The following PTPRG variants were observed in gnomAD, a reference collection of about 807,000 sequenced individuals.
PTPRG encodes receptor-type tyrosine-protein phosphatase gamma.
A neutral mutation model predicts 165.3 loss-of-function variants in PTPRG; 102 were observed. The ratio of observed to expected loss-of-function variants is 0.62; its 90% confidence interval spans 0.53 to 0.73. PTPRG has a LOEUF of 0.73. Among genes scored for constraint, PTPRG ranks in the 30% least tolerant of loss-of-function variants. The pLI is 0.00. For missense variants in PTPRG, 1,866 were observed against 1,861.4 expected, an observed-to-expected ratio of 1.00 and a Z score of -0.05; for synonymous variants, 675 against 669.5, an observed-to-expected ratio of 1.01 and a Z score of -0.13.
At chr3:61,771,781 C>T (rs1178005811) in intron 2 of PTPRG, among the ~76,000 whole-genome samples, 1 of 152,058 alleles carries the variant, frequency 6.6e-6, no homozygotes, top group Non-Finnish European at 1.5e-5. Flanking sequence ...GATGACCAGG[C>T]TGGGCACAGT....
chr3:61,846,592 C>A (rs2036811942), intron 2 of PTPRG, among the ~76,000 whole-genome samples: 2 of 152,184 alleles, frequency 1.3e-5, no homozygotes, highest in Non-Finnish European at 2.9e-5. Context: ...TAGAACACAG[C>A]AAGCTCTTGG....
At chr3:61,593,001 A>G (rs1189612435) in intron 1 of PTPRG, among the ~76,000 whole-genome samples, 5 of 152,126 alleles carry the variant, frequency 3.3e-5, no homozygotes, top group Non-Finnish European at 4.4e-5. Flanking sequence ...AGGATATTCT[A>G]TGTCTTACTA....
chr3:61,816,976 A>C (rs562859692), intron 2 of PTPRG, among the ~76,000 whole-genome samples: 1 of 134,178 alleles, frequency 7.5e-6, no homozygotes, highest in East Asian at 2.1e-4. Flanking sequence ...GTAATCACTT[A>C]TATATATATT....
intron 2 of PTPRG, among the ~76,000 whole-genome samples, chr3:61,784,971 G>A (rs953183959): frequency 1.3e-5 from 2 of 152,108 alleles, no homozygotes; most frequent in South Asian, 2.1e-4. Context: ...TTCCAAGTAC[G>A]AAGTGGCACT....
rs183167455 is a variant in PTPRG, at chr3:61,949,513, A to C, written c.191-40112A>C. Among the ~76,000 whole-genome samples the C allele has an allele frequency of 2.6e-5, 4 of 152,272 alleles. No homozygotes were observed. The East Asian group carries it at 7.7e-4, about 29-fold the overall frequency. Reference sequence around the variant, plus strand: ...CGTTTACTATGTGCCACATGCCTCAATGAGGGTCTAGTATATTTTACCTTT... The same window carrying C: ...CGTTTACTATGTGCCACATGCCTCACTGAGGGTCTAGTATATTTTACCTTT... On this transcript the variant is annotated intron_variant, in intron 2 of 29. Transcript: ENST00000474889.
At chr3:61,671,465 C>G (rs1459339523) in intron 1 of PTPRG, among the ~76,000 whole-genome samples, 2 of 151,316 alleles carry the variant, frequency 1.3e-5, no homozygotes, top group African/African-American at 4.9e-5. Context: ...GGTAAGGTCA[C>G]AGATCAACAG....
intron 1 of PTPRG, among the ~76,000 whole-genome samples, chr3:61,677,174 G>A (rs994738394): frequency 1.3e-5 from 2 of 151,292 alleles, no homozygotes; most frequent in African/African-American, 4.9e-5. Context: ...GAACCCAGGA[G>A]GCAGAGGTTG....
chr3:62,169,175 G>T (rs961996290), intron 8 of PTPRG, among the ~76,000 whole-genome samples: 4 of 152,100 alleles, frequency 2.6e-5, no homozygotes, highest in African/African-American at 9.7e-5. Context: ...AGGAATGTCT[G>T]TTTTCACTTA....
intron 1 of PTPRG, among the ~76,000 whole-genome samples, chr3:61,746,728 T>C (rs1263032965): frequency 6.6e-6 from 1 of 152,164 alleles, no homozygotes; most frequent in African/African-American, 2.4e-5. Flanking sequence ...CAAACAAGGC[T>C]CACTCCTAGA....
At chr3:62,134,445 C>T (rs1277541270) in intron 6 of PTPRG, among the ~76,000 whole-genome samples, 1 of 152,210 alleles carries the variant, frequency 6.6e-6, no homozygotes, top group Non-Finnish European at 1.5e-5. Context: ...GCCTGGTATG[C>T]AGCCCCTCCC....
chr3:61,992,567 C>T (rs569515536), intron 3 of PTPRG, among the ~76,000 whole-genome samples: 9 of 151,636 alleles, frequency 5.9e-5, no homozygotes, highest in African/African-American at 2.2e-4. Context: ...TCACCCAGGC[C>T]GCAGTGCATT....
intron 2 of PTPRG, among the ~76,000 whole-genome samples, chr3:61,806,671 A>G (rs1414569591): frequency 1.3e-5 from 2 of 152,164 alleles, no homozygotes; most frequent in Non-Finnish European, 2.9e-5. Context: ...TGGCAAATGA[A>G]AGGAGATGAC....
chr3:61,870,069 T>A (rs991376729), intron 2 of PTPRG, among the ~76,000 whole-genome samples: 4 of 152,112 alleles, frequency 2.6e-5, no homozygotes, highest in Non-Finnish European at 5.9e-5. Context: ...CACCTCCCAG[T>A]ACCATCACCT....
intron 4 of PTPRG, among the ~76,000 whole-genome samples, chr3:62,014,234 C>T (rs565879083): frequency 1.3e-5 from 2 of 152,250 alleles, no homozygotes; most frequent in East Asian, 3.9e-4. Flanking sequence ...TGCACCCCCC[C>T]TTTAATGGAA....
chr3:62,238,850 T>A (rs7616168), intron 14 of PTPRG, among the ~76,000 whole-genome samples: 38,756 of 151,960 alleles, frequency 0.26, 6,660 homozygotes, highest in African/African-American at 0.48. Flanking sequence ...TAAATCAGAG[T>A]ACTTAAAGTG....
chr3:62,161,391 A>C lies in PTPRG; in HGVS notation c.840+4167A>C, dbSNP rs150410937. Among the ~76,000 whole-genome samples the C allele has an allele frequency of 1.1e-3, 163 of 152,346 alleles. 2 individuals are homozygous for C. The highest frequency in any genetic ancestry group is 3.8e-3 in the African/African-American group (159 of 41,590). Reference sequence around the variant, plus strand: ...TTAATTTTAGTAGTATAATTTATTTAATCAAATGTATCCACAATATTATCA... The same window carrying C: ...TTAATTTTAGTAGTATAATTTATTTCATCAAATGTATCCACAATATTATCA... On this transcript the variant is annotated intron_variant, in intron 7 of 29. Coordinates refer to ENST00000474889, the MANE Select transcript of PTPRG (RefSeq NM_002841.4).
At chr3:62,001,525 T>A (rs1575872418) in intron 3 of PTPRG, among the ~76,000 whole-genome samples, 4 of 152,110 alleles carry the variant, frequency 2.6e-5, no homozygotes, top group Admixed American at 2.0e-4. Flanking sequence ...AGCTAATGCC[T>A]AGATGTTTTG....
Position 61,813,545 on chromosome 3 carries a change from G to GTGTGTC in PTPRG, c.190+64568_190+64569insCTGTGT, listed in dbSNP as rs1451946064. ...AAAAAAAAAAGAAAAAAGAAAATCT[G>GTGTGTC]TGTGTGTGTGTGTGTGTGTGTGTGT... is the stretch of plus-strand genomic sequence containing the variant. On this transcript the variant is annotated intron_variant, in intron 2 of 29. Transcript: ENST00000474889. 6.5e-3 allele frequency among the ~76,000 whole-genome samples: 394 copies of GTGTGTC among 61,044 alleles called. 1 individual carries two copies. Among genetic ancestry groups the GTGTGTC allele is most frequent in the Non-Finnish European group, 9.8e-3 (317 of 32,450 alleles). 40.0% of individuals were successfully genotyped at this position (61,044 alleles called of 152,430 possible). A position where few individuals can be genotyped will look rare whatever the true frequency, so the allele number is the denominator to read the frequency against.
intron 1 of PTPRG, among the ~76,000 whole-genome samples, chr3:61,681,054 T>TAAAAA (rs61198100): frequency 0.024 from 1,555 of 66,044 alleles, 47 homozygotes; most frequent in South Asian, 0.062. Context: ...CTTTATGTTC[T>TAAAAA]AAAAAAAAAA....
Sources: gnomAD v4.1 joint callset for allele counts (sites outside exome capture counted in the v4.1 genomes callset) on GRCh38, gnomAD v4.1.1 for gene constraint, MANE v1.5 for transcripts, NCBI Gene and HGNC (gene_info 2026-07-23, HGNC 2026-07-21) for gene names.